SMC1A: variants seen among roughly 807,000 people sequenced by gnomAD.
SMC1A encodes structural maintenance of chromosomes 1A.
SMC1A carries 4 observed loss-of-function variants against 94.5 expected under a neutral mutation model. The observed-to-expected ratio is 0.04, with a 90% CI of 0.02 to 0.10. The LOEUF (loss-of-function observed/expected upper bound fraction) is 0.10. Among genes scored for constraint, SMC1A ranks in the 10% least tolerant of loss-of-function variants. The probability of loss-of-function intolerance (pLI) is 1.00; values close to 1 mark genes in which losing one functional copy is unlikely to be tolerated. For synonymous variants in SMC1A, 345 were observed against 347.7 expected (o/e 0.99, Z 0.09); for missense variants, 304 against 989.0 (o/e 0.31, Z 9.29).
At chrX:53,383,662 G>A (rs1456221821) in intron 19 of SMC1A, among the ~76,000 whole-genome samples, 2 of 112,494 alleles carry the variant, frequency 1.8e-5, no homozygotes, top group East Asian at 2.8e-4. Context: ...GGCAATTCAC[G>A]TTTTCTGCTT....
In SMC1A at chrX:53,410,008, G is replaced by A. The variant is rs782472882; in HGVS notation, c.1255-505C>T. Among the ~76,000 whole-genome samples, 3 of 112,070 alleles carry A rather than the reference G, an allele frequency of 2.7e-5. No homozygotes were observed. In the East Asian group the frequency reaches 8.4e-4, roughly 31 times the overall value. ...GGCCTCAAGTGATCCACCACGCCTG[G>A]CCAACATTCTTTTAAATATTTAAAA... On this transcript the variant is annotated intron_variant, in intron 7 of 24. Transcript: ENST00000322213.
At chrX:53,380,932 G>A (rs782598449) in intron 23 of SMC1A, 86 bp downstream of exon 23, 121 of 828,461 alleles carry the variant, frequency 1.5e-4, no homozygotes, top group Non-Finnish European at 2.0e-4. Context: ...CAGCAGGAAC[G>A]GCTAGGGCAC....
intron 19 of SMC1A, among the ~76,000 whole-genome samples, chrX:53,392,737 C>T (rs2075634593): frequency 8.9e-6 from 1 of 111,833 alleles, no homozygotes; most frequent in Non-Finnish European, 1.9e-5. Flanking sequence ...CGTGAGCCAC[C>T]GCGCCTGACC....
At chrX:53,421,979 C>T (rs2075758991) in intron 1 of SMC1A, 1 of 1,207,971 alleles carries the variant, frequency 8.3e-7, no homozygotes, top group Admixed American at 2.2e-5. Flanking sequence ...AAAAGTGCCG[C>T]CTCCAGAGAA....
chrX:53,390,973 C>CAAAAAAAAAAAAAAAAAAAAAAAAAAA (rs782771730), intron 19 of SMC1A, among the ~76,000 whole-genome samples: 2 of 34,319 alleles, frequency 5.8e-5, no homozygotes, highest in Non-Finnish European at 8.8e-5. Context: ...GACTCCGTCT[C>CAAAAAAAAAAAAAAAAAAAAAAAAAAA]AAAAAAAAAA....
At chrX:53,422,263 T>G (rs1364129318) in intron 1 of SMC1A, among the ~76,000 whole-genome samples, 2 of 111,491 alleles carry the variant, frequency 1.8e-5, no homozygotes, top group Admixed American at 9.4e-5. Context: ...CCTGTACCAC[T>G]GGGCCGGGGC....
chrX:53,393,286 T>C (rs1223875196), intron 19 of SMC1A, among the ~76,000 whole-genome samples: 2 of 110,786 alleles, frequency 1.8e-5, no homozygotes, highest in Non-Finnish European at 3.8e-5. Flanking sequence ...AATTCTATAG[T>C]ACCAACGACC....
At chrX:53,417,495 G>A (rs2075736708) in intron 1 of SMC1A, among the ~76,000 whole-genome samples, 2 of 101,693 alleles carry the variant, frequency 2.0e-5, no homozygotes, top group African/African-American at 3.6e-5. Flanking sequence ...AGGTTGCGGT[G>A]AGCCAAGATC....
Position 53,375,092 on chromosome X carries a change from A to G in SMC1A, c.*5011T>C, listed in dbSNP as rs782475308. 8.9e-6 allele frequency: 1 copy of G among 112,679 alleles called. No homozygotes were observed. The highest frequency in any genetic ancestry group is 9.4e-5 in the Admixed American group (1 of 10,663). The allele number at this position is 112,679 out of a possible 1,213,427, so 9.3% of individuals were successfully genotyped here. On this transcript the variant is annotated 3_prime_UTR_variant, in exon 25 of 25. Coordinates refer to ENST00000322213, the MANE Select transcript of SMC1A (RefSeq NM_006306.4). The stretch of plus-strand genomic sequence containing the variant: ...GGCCAGGATTGTGAGGTCACATGGT[A>G]CAGAGCATGGCAACTTATGCTAAGG...
chrX:53,408,836 AAAAT>A (rs1213764135), intron 9 of SMC1A, among the ~76,000 whole-genome samples: 2 of 30,978 alleles, frequency 6.5e-5, no homozygotes, highest in Non-Finnish European at 1.1e-4. Flanking sequence ...GACAGGTTGA[AAAAT>A]AAAAAAAAAA....
In SMC1A at chrX:53,415,985, C is replaced by T. The variant is rs141876358; in HGVS notation, c.110-816G>A. Among the ~76,000 whole-genome samples the T allele has an allele frequency of 8.1e-3, 897 of 110,788 alleles. 13 individuals are homozygous for T. Among genetic ancestry groups the T allele is most frequent in the African/African-American group, 0.028 (855 of 30,511 alleles). ...CCCACAATAGGTGAAACAAACAAGA[C>T]ACAAAACTCAACGATGTTAAAATAA... On this transcript the variant is annotated intron_variant, in intron 1 of 24. Coordinates refer to ENST00000322213, the MANE Select transcript of SMC1A (RefSeq NM_006306.4).
In SMC1A at chrX:53,376,985, A is replaced by G. The variant is rs1419559334; in HGVS notation, c.*3118T>C. ...ACAGCAAGGCTACTGCGTCCACAGT[A>G]TAAGGGAGTCAAACTAGTTCCTCCA... On this transcript the variant is annotated 3_prime_UTR_variant, in exon 25 of 25. Transcript: ENST00000322213. 1.8e-5 allele frequency: 2 copies of G among 111,892 alleles called. No homozygotes were observed. The highest frequency in any genetic ancestry group is 6.5e-5 in the African/African-American group (2 of 30,753). 9.2% of individuals were successfully genotyped at this position (111,892 alleles called of 1,213,427 possible). A position where few individuals can be genotyped will look rare whatever the true frequency, so the allele number is the denominator to read the frequency against.
intron 19 of SMC1A, among the ~76,000 whole-genome samples, chrX:53,389,894 G>A (rs1227477122): frequency 1.2e-5 from 1 of 82,519 alleles, no homozygotes; most frequent in Admixed American, 1.7e-4. Flanking sequence ...CTGTTACCCA[G>A]GCTGGAGTGC....
intron 1 of SMC1A, among the ~76,000 whole-genome samples, chrX:53,419,142 A>AT (rs1205780986): frequency 9.1e-6 from 1 of 109,446 alleles, no homozygotes; most frequent in African/African-American, 3.3e-5. Flanking sequence ...TAAAGAACTT[A>AT]TATATGACTT....
At chrX:53,418,017 G>A (rs1414378913) in intron 1 of SMC1A, among the ~76,000 whole-genome samples, 2 of 111,887 alleles carry the variant, frequency 1.8e-5, no homozygotes, top group African/African-American at 6.5e-5. Flanking sequence ...ATATCCTTAA[G>A]GATTTTTAAA....
chrX:53,422,695 G>A (rs1381291830), upstream of SMC1A: 6 of 590,208 alleles, frequency 1.0e-5, no homozygotes, highest in Admixed American at 1.4e-4. Context: ...CAAGCCGGGC[G>A]ACCGGCAAAT....
chrX:53,422,334 C>G (rs1556892294), intron 1 of SMC1A, among the ~76,000 whole-genome samples, 158 bp downstream of exon 1: 1 of 111,857 alleles, frequency 8.9e-6, no homozygotes, highest in Non-Finnish European at 1.9e-5. Context: ...AGCACCCGCG[C>G]GGGGAGAGTG....
In SMC1A at chrX:53,381,036, A is replaced by G; in HGVS notation, c.3489T>C (p.Asp1163=). The G allele has an allele frequency of 8.3e-7, 1 of 1,209,446 alleles. No homozygotes were observed. The highest frequency in any genetic ancestry group is 1.1e-6 in the Non-Finnish European group (1 of 893,929). The change falls in exon 23 of 25, where the codon GAT becomes GAC. Residue 1163 remains aspartate (D), a synonymous_variant. Coordinates refer to ENST00000322213, the MANE Select transcript of SMC1A (RefSeq NM_006306.4). ...FVLDEIDAAL[D]NTNIGKVANY... is the part of the protein sequence containing the mutation. Reference sequence around the variant, plus strand: ...CACCCACCTTGCCAATGTTGGTGTTATCCAAGGCAGCATCAATCTCATCCA... The same window carrying G: ...CACCCACCTTGCCAATGTTGGTGTTGTCCAAGGCAGCATCAATCTCATCCA...
At chrX:53,397,803 A>T (rs1296954009) in intron 16 of SMC1A, among the ~76,000 whole-genome samples, 4 of 111,452 alleles carry the variant, frequency 3.6e-5, no homozygotes, top group African/African-American at 1.3e-4. Context: ...AAGTAAAAAA[A>T]TTACATATAT....
Sources: gnomAD v4.1 joint callset for allele counts (sites outside exome capture counted in the v4.1 genomes callset) on GRCh38, gnomAD v4.1.1 for gene constraint, MANE v1.5 for transcripts, NCBI Gene and HGNC (gene_info 2026-07-23, HGNC 2026-07-21) for gene names.